Variants in HOXD9 observed in about 807,000 individuals in gnomAD.
HOXD9 encodes the protein homeobox protein Hox-D9.
A neutral mutation model predicts 24.6 loss-of-function variants in HOXD9; 21 were observed. That is an observed-to-expected ratio of 0.85 (90% CI 0.61 to 1.23). The LOEUF is 1.23. Among genes scored for constraint, HOXD9 ranks in the 50% most tolerant of loss-of-function variants. The pLI, the probability that HOXD9 is intolerant of heterozygous loss-of-function variation, is 0.00. For synonymous variants in HOXD9, 240 were observed against 226.4 expected, an observed-to-expected ratio of 1.06 and a Z score of -0.54; for missense variants, 503 against 503.6, an observed-to-expected ratio of 1.00 and a Z score of 0.01.
rs1361107889 is a variant in HOXD9, at chr2:176,122,746, G to A, written c.-23G>A. The A allele has an allele frequency of 3.4e-6, 5 of 1,458,698 alleles. No individual in the cohort carries two copies. In the East Asian group the frequency reaches 8.0e-5, roughly 23 times the overall value. 90.4% of individuals were successfully genotyped at this position (1,458,698 alleles called of 1,614,324 possible). ...TCGGTGGCTCGGGCGCCGGCGGGGA[G>A]CTGCTCGGCGGCGGACAGTGTAATG... On this transcript the variant is annotated 5_prime_UTR_variant, in exon 1 of 2. Coordinates refer to ENST00000249499, the MANE Select transcript of HOXD9 (RefSeq NM_014213.4).
Position 176,124,176 on chromosome 2 carries a change from C to A in HOXD9, c.*1C>A, listed in dbSNP as rs1445347514. 3 of 1,602,922 alleles carry A rather than the reference C, an allele frequency of 1.9e-6. No individual in the cohort carries two copies. In the South Asian group the frequency reaches 3.3e-5, roughly 18 times the overall value. ...GGAGAAATGCCCCAAAGGAGACTGA[C>A]CCGGCGCGGTGCTGGCGGGAGCGCT... On this transcript the variant is annotated 3_prime_UTR_variant, in exon 2 of 2. Coordinates refer to ENST00000249499, the MANE Select transcript of HOXD9 (RefSeq NM_014213.4).
Position 176,124,286 on chromosome 2 carries a change from C to A in HOXD9, c.*111C>A. Reference sequence around the variant, plus strand: ...TCCAGAAACTCTCCAGCGACTTGGACTTCTTCTTCTTTTTTTTTTTCTTTT... The same window carrying A: ...TCCAGAAACTCTCCAGCGACTTGGAATTCTTCTTCTTTTTTTTTTTCTTTT... On this transcript the variant is annotated 3_prime_UTR_variant, in exon 2 of 2. Transcript: ENST00000249499. 3.0e-6 allele frequency: 4 copies of A among 1,327,794 alleles called. No individual in the cohort carries two copies. Among genetic ancestry groups the A allele is most frequent in the Non-Finnish European group, 4.0e-6 (4 of 1,006,254 alleles). The allele number at this position is 1,327,794 out of a possible 1,614,324, so 82.3% of individuals were successfully genotyped here.
At position 176,124,076 on chromosome 2, in the gene HOXD9, G is replaced by A. The variant is rs112934078; in HGVS notation, c.960G>A (p.Arg320=). Reference sequence around the variant, plus strand: ...GGGACCGGCGCTACGAGGTGGCCAGGATTCTCAACCTAACAGAGAGACAGG... The same window carrying A: ...GGGACCGGCGCTACGAGGTGGCCAGAATTCTCAACCTAACAGAGAGACAGG... The part of the protein sequence containing the change: ...LTRDRRYEVA[R]ILNLTERQVK... Residue 320 remains arginine, a synonymous_variant, in exon 2 of 2, where the codon AGG becomes AGA. Transcript: ENST00000249499. 3.2e-5 allele frequency: 51 copies of A among 1,614,152 alleles called. 1 individual carries two copies. In the African/African-American group the frequency reaches 5.5e-4, roughly 17 times the overall value.
rs758571569 is a variant in HOXD9, at chr2:176,123,344, G to A, written c.576G>A (p.Glu192=). ...TSLSSSSKRT[E]CSVARESQGS... is the part of the protein sequence containing the mutation. ...TATCCTCCTCCTCCAAACGGACTGA[G>A]TGCTCCGTGGCCCGGGAGTCCCAGG... Residue 192 remains glutamate (E), a synonymous_variant, in exon 1 of 2, where the codon GAG becomes GAA. Coordinates refer to ENST00000249499, the MANE Select transcript of HOXD9 (RefSeq NM_014213.4). This position sits in a 1 kb window ranked among gnomAD's most constrained non-coding sequence, Gnocchi z 4.2. 3.2e-6 allele frequency: 5 copies of A among 1,550,562 alleles called. No homozygotes were observed. Among genetic ancestry groups the A allele is most frequent in the South Asian group, 2.4e-5 (2 of 84,002 alleles).
chr2:176,123,714 A>C lies in HOXD9; in HGVS notation c.817+129A>C. On this transcript the variant is annotated intron_variant, in intron 1 of 1. Coordinates refer to ENST00000249499, the MANE Select transcript of HOXD9 (RefSeq NM_014213.4). The surrounding 1 kb of genome is among the most constrained non-coding windows in gnomAD (Gnocchi z 4.2). The stretch of plus-strand genomic sequence containing the variant: ...ACCCAAGCCTAGGCGAACAACATGC[A>C]TCCATAAAAAGAGCTTCCCATAACC... The C allele has an allele frequency of 7.8e-7, 1 of 1,279,204 alleles. No homozygotes were observed. Among genetic ancestry groups the C allele is most frequent in the African/African-American group, 1.5e-5 (1 of 66,854 alleles). The allele number at this position is 1,279,204 out of a possible 1,614,324, so 79.2% of individuals were successfully genotyped here.
In HOXD9 at chr2:176,123,717, C is replaced by A; in HGVS notation, c.817+132C>A. The A allele has an allele frequency of 1.6e-6, 2 of 1,261,362 alleles. No individual in the cohort carries two copies. Among genetic ancestry groups the A allele is most frequent in the Non-Finnish European group, 2.1e-6 (2 of 944,134 alleles). 78.1% of individuals were successfully genotyped at this position (1,261,362 alleles called of 1,614,324 possible). Reference sequence around the variant, plus strand: ...CAAGCCTAGGCGAACAACATGCATCCATAAAAAGAGCTTCCCATAACCACC... The same window carrying A: ...CAAGCCTAGGCGAACAACATGCATCAATAAAAAGAGCTTCCCATAACCACC... On this transcript the variant is annotated intron_variant, in intron 1 of 1. Transcript: ENST00000249499. The surrounding 1 kb of genome is among the most constrained non-coding windows in gnomAD (Gnocchi z 4.2).
At position 176,123,955 on chromosome 2, in the gene HOXD9, T is replaced by G. The variant is rs1689927324; in HGVS notation, c.839T>G (p.Ile280Ser). 12 of 1,612,568 alleles carry G rather than the reference T, an allele frequency of 7.4e-6. No individual in the cohort carries two copies. The South Asian group carries it at 1.1e-4, about 15-fold the overall frequency. ...LDPNNPAANWIHARSTRKKRC... is the reference protein window; with the variant it reads ...LDPNNPAANWSHARSTRKKRC... ...GTAGACAACCCCGCCGCGAACTGGA[T>G]CCACGCTCGCTCCACCCGGAAAAAG... The change falls in exon 2 of 2, where the codon ATC becomes AGC. Residue 280 changes from isoleucine to serine, a missense_variant. Coordinates refer to ENST00000249499, the MANE Select transcript of HOXD9 (RefSeq NM_014213.4). This position sits in a 1 kb window ranked among gnomAD's most constrained non-coding sequence, Gnocchi z 4.2.
Position 176,123,924 on chromosome 2 carries a change from C to T in HOXD9, c.818-10C>T, listed in dbSNP as rs747958740. On this transcript the variant is annotated splice_polypyrimidine_tract_variant and intron_variant, in intron 1 of 1. Coordinates refer to ENST00000249499, the MANE Select transcript of HOXD9 (RefSeq NM_014213.4). This position sits in a 1 kb window ranked among gnomAD's most constrained non-coding sequence, Gnocchi z 4.2. Reference sequence around the variant, plus strand: ...CCTCTCTCCCCGTCTCCAAACCTCCCTCTTTGTAGACAACCCCGCCGCGAA... The same window carrying T: ...CCTCTCTCCCCGTCTCCAAACCTCCTTCTTTGTAGACAACCCCGCCGCGAA... The T allele has an allele frequency of 5.0e-6, 8 of 1,605,936 alleles. No individual in the cohort carries two copies. The highest frequency in any genetic ancestry group is 6.8e-6 in the Non-Finnish European group (8 of 1,173,352).
At position 176,123,047 on chromosome 2, in the gene HOXD9, C is replaced by T; in HGVS notation, c.279C>T (p.Ser93=). The stretch of plus-strand genomic sequence containing the variant: ...AGCCCCCGGCAGCGGCGGCGATGAG[C>T]GGCCTCTACCACCCGTACGTTCCCC... The part of the protein sequence containing the change: ...PSQPPAAAAM[S]GLYHPYVPPP... Residue 93 remains serine (S), a synonymous_variant, in exon 1 of 2, where the codon AGC becomes AGT. Coordinates refer to ENST00000249499, the MANE Select transcript of HOXD9 (RefSeq NM_014213.4). This position sits in a 1 kb window ranked among gnomAD's most constrained non-coding sequence, Gnocchi z 4.2. 1.9e-6 allele frequency: 3 copies of T among 1,582,234 alleles called. No individual in the cohort carries two copies. Among genetic ancestry groups the T allele is most frequent in the Admixed American group, 1.8e-5 (1 of 57,128 alleles).
rs371998550 is a variant in HOXD9 at position 176,122,892 on chromosome 2, G to A, written c.124G>A (p.Gly42Arg). 1.9e-6 allele frequency: 3 copies of A among 1,592,336 alleles called. No homozygotes were observed. Among genetic ancestry groups the A allele is most frequent in the Non-Finnish European group, 2.6e-6 (3 of 1,170,876 alleles). ...EVFAARFGPP[G>R]PGAQGRPAGV... ...GTTCGCGGCGCGCTTCGGGCCGCCGGGGCCAGGCGCGCAGGGCCGGCCTGC... is the reference window on the plus strand; with the variant it reads ...GTTCGCGGCGCGCTTCGGGCCGCCGAGGCCAGGCGCGCAGGGCCGGCCTGC... The change falls in exon 1 of 2, where the codon GGG (glycine) becomes AGG (arginine). Residue 42 changes from glycine (G) to arginine (R), a missense_variant. Gly to Arg is a moderately radical substitution (Grantham distance 125). Transcript: ENST00000249499.
rs1689906303 is a variant in HOXD9 at position 176,123,103 on chromosome 2, C to G, written c.335C>G (p.Pro112Arg). ...PPPLAASASE[P>R]GRYVRSWMEP... Reference sequence around the variant, plus strand: ...CCCCTGGCCGCCTCTGCCTCCGAGCCCGGCCGCTACGTGCGCTCCTGGATG... The same window carrying G: ...CCCCTGGCCGCCTCTGCCTCCGAGCGCGGCCGCTACGTGCGCTCCTGGATG... Residue 112 changes from proline to arginine, a missense_variant, in exon 1 of 2, where the codon CCC becomes CGC. Coordinates refer to ENST00000249499, the MANE Select transcript of HOXD9 (RefSeq NM_014213.4). This position sits in a 1 kb window ranked among gnomAD's most constrained non-coding sequence, Gnocchi z 4.2. The G allele has an allele frequency of 1.3e-6, 2 of 1,522,268 alleles. No individual in the cohort carries two copies. Among genetic ancestry groups the G allele is most frequent in the Non-Finnish European group, 1.8e-6 (2 of 1,139,942 alleles). The allele number at this position is 1,522,268 out of a possible 1,614,324, so 94.3% of individuals were successfully genotyped here.
chr2:176,123,137 G>T lies in HOXD9; in HGVS notation c.369G>T (p.Leu123=). Reference sequence around the variant, plus strand: ...ACGTGCGCTCCTGGATGGAGCCGCTGCCCGGCTTCCCGGGCGGTGCGGGCG... The same window carrying T: ...ACGTGCGCTCCTGGATGGAGCCGCTTCCCGGCTTCCCGGGCGGTGCGGGCG... ...GRYVRSWMEP[L]PGFPGGAGGG... Residue 123 remains leucine, a synonymous_variant, in exon 1 of 2, where the codon CTG becomes CTT. Transcript: ENST00000249499. This position sits in a 1 kb window ranked among gnomAD's most constrained non-coding sequence, Gnocchi z 4.2. 7.1e-7 allele frequency: 1 copy of T among 1,418,100 alleles called. No homozygotes were observed. Among genetic ancestry groups the T allele is most frequent in the Non-Finnish European group, 9.2e-7 (1 of 1,091,608 alleles). The allele number at this position is 1,418,100 out of a possible 1,614,324, so 87.8% of individuals were successfully genotyped here. A position where few individuals can be genotyped will look rare whatever the true frequency, so the allele number is the denominator to read the frequency against.
rs750405907 is a variant in HOXD9, at chr2:176,122,980, G to T, written c.212G>T (p.Arg71Ile). Residue 71 changes from arginine (R) to isoleucine (I), a missense_variant, in exon 1 of 2, where the codon AGA (arginine) becomes ATA (isoleucine). Arg to Ile is a moderately conservative substitution (Grantham distance 97). Transcript: ENST00000249499. ...TTCGCCTCGTGTAGTTTTGCCCCCA[G>T]ATCGGCCGTGTTCTCTGCCTCGTGG... ...AEFASCSFAPRSAVFSASWSA... is the reference protein window; with the variant it reads ...AEFASCSFAPISAVFSASWSA... 7 of 1,598,250 alleles carry T rather than the reference G, an allele frequency of 4.4e-6. No homozygotes were observed. The South Asian group carries it at 5.6e-5, about 13-fold the overall frequency.
chr2:176,123,465 G>T lies in HOXD9; in HGVS notation c.697G>T (p.Ala233Ser). The change falls in exon 1 of 2, where the codon GCG (alanine) becomes TCG (serine). Residue 233 changes from alanine to serine, a missense_variant. Ala to Ser is a moderately conservative substitution (Grantham distance 99). Coordinates refer to ENST00000249499, the MANE Select transcript of HOXD9 (RefSeq NM_014213.4). This position sits in a 1 kb window ranked among gnomAD's most constrained non-coding sequence, Gnocchi z 4.2. ...GTGPGAGIGAATGTGGSSEPS... is the reference protein window; with the variant it reads ...GTGPGAGIGASTGTGGSSEPS... ...CGGGCCTGGGGCAGGGATCGGGGCCGCGACTGGGACGGGCGGCTCGTCGGA... is the reference window on the plus strand; with the variant it reads ...CGGGCCTGGGGCAGGGATCGGGGCCTCGACTGGGACGGGCGGCTCGTCGGA... 1 of 1,555,598 alleles carries T rather than the reference G, an allele frequency of 6.4e-7. No homozygotes were observed. Among genetic ancestry groups the T allele is most frequent in the Non-Finnish European group, 8.7e-7 (1 of 1,146,262 alleles).
At position 176,123,782 on chromosome 2, in the gene HOXD9, G is replaced by A. The variant is rs1044091288; in HGVS notation, c.818-152G>A. 11 of 986,656 alleles carry A rather than the reference G, an allele frequency of 1.1e-5. No individual in the cohort carries two copies. The highest frequency in any genetic ancestry group is 9.9e-5 in the African/African-American group (6 of 60,774). 61.1% of individuals were successfully genotyped at this position (986,656 alleles called of 1,614,324 possible). A position where few individuals can be genotyped will look rare whatever the true frequency, so the allele number is the denominator to read the frequency against. On this transcript the variant is annotated intron_variant, in intron 1 of 1. Transcript: ENST00000249499. The surrounding 1 kb of genome is among the most constrained non-coding windows in gnomAD (Gnocchi z 4.2). ...AGTTAGTACGGTAAACAGAGCGCGA[G>A]CATTAAGGCTTTTTATGATAATTCC...
In HOXD9 at chr2:176,122,742, G is replaced by T. The variant is rs777860141; in HGVS notation, c.-27G>T. ...CTAGTCGGTGGCTCGGGCGCCGGCG[G>T]GGAGCTGCTCGGCGGCGGACAGTGT... On this transcript the variant is annotated 5_prime_UTR_variant, in exon 1 of 2. Transcript: ENST00000249499. 1 of 1,457,742 alleles carries T rather than the reference G, an allele frequency of 6.9e-7. No homozygotes were observed. The highest frequency in any genetic ancestry group is 9.0e-7 in the Non-Finnish European group (1 of 1,106,324). 90.3% of individuals were successfully genotyped at this position (1,457,742 alleles called of 1,614,324 possible). A position where few individuals can be genotyped will look rare whatever the true frequency, so the allele number is the denominator to read the frequency against.
At position 176,123,835 on chromosome 2, in the gene HOXD9, T is replaced by A; in HGVS notation, c.818-99T>A. On this transcript the variant is annotated intron_variant, in intron 1 of 1. Transcript: ENST00000249499. This position sits in a 1 kb window ranked among gnomAD's most constrained non-coding sequence, Gnocchi z 4.2. Reference sequence around the variant, plus strand: ...ACAAGTTGTGAAAAGCGACCATCCTTGGTGAAATTAATTTAACGACCTCTC... The same window carrying A: ...ACAAGTTGTGAAAAGCGACCATCCTAGGTGAAATTAATTTAACGACCTCTC... 2.6e-6 allele frequency: 3 copies of A among 1,138,136 alleles called. No homozygotes were observed. Among genetic ancestry groups the A allele is most frequent in the Non-Finnish European group, 3.8e-6 (3 of 795,954 alleles). The allele number at this position is 1,138,136 out of a possible 1,614,324, so 70.5% of individuals were successfully genotyped here. A position where few individuals can be genotyped will look rare whatever the true frequency, so the allele number is the denominator to read the frequency against.
chr2:176,123,604 GC>G lies in HOXD9; in HGVS notation c.817+24del. On this transcript the variant is annotated intron_variant, in intron 1 of 1. Transcript: ENST00000249499. The surrounding 1 kb of genome is among the most constrained non-coding windows in gnomAD (Gnocchi z 4.2). ...GACCCAAGTAAGTGCAAAAGAAATT[GC>G]CCCCTGATTTATTGCTGAAACCTGT... 2 of 1,481,504 alleles carry G rather than the reference GC, an allele frequency of 1.3e-6. No homozygotes were observed. Among genetic ancestry groups the G allele is most frequent in the Non-Finnish European group, 1.8e-6 (2 of 1,115,026 alleles). 91.8% of individuals were successfully genotyped at this position (1,481,504 alleles called of 1,614,324 possible).
Position 176,123,860 on chromosome 2 carries a change from C to T in HOXD9, c.818-74C>T. 7.7e-7 allele frequency: 1 copy of T among 1,302,526 alleles called. No individual in the cohort carries two copies. Among genetic ancestry groups the T allele is most frequent in the South Asian group, 1.4e-5 (1 of 71,990 alleles). The allele number at this position is 1,302,526 out of a possible 1,614,324, so 80.7% of individuals were successfully genotyped here. A position where few individuals can be genotyped will look rare whatever the true frequency, so the allele number is the denominator to read the frequency against. On this transcript the variant is annotated intron_variant, in intron 1 of 1. Transcript: ENST00000249499. The surrounding 1 kb of genome is among the most constrained non-coding windows in gnomAD (Gnocchi z 4.2). ...TGGTGAAATTAATTTAACGACCTCT[C>T]TTCCCCACCCTGTGGTCTCTCCCTG...
Sources: allele counts gnomAD v4.1 joint callset, GRCh38; gene constraint gnomAD v4.1.1; non-coding constraint Gnocchi (gnomAD v3.1); transcripts MANE v1.5; gene names NCBI Gene and HGNC (gene_info 2026-07-23, HGNC 2026-07-21).